The following CADPS variants were observed in gnomAD, a reference collection of about 807,000 sequenced individuals.
The protein encoded by CADPS is calcium dependent secretion activator.
A neutral mutation model predicts 167.3 loss-of-function variants in CADPS; 57 were observed. The observed-to-expected ratio is 0.34, with a 90% confidence interval of 0.28 to 0.42. The LOEUF is 0.42. Among genes scored for constraint, CADPS ranks in the 20% least tolerant of loss-of-function variants. CADPS has a pLI of 1.00. For missense variants in CADPS, 1,414 were observed against 1,738.1 expected (o/e 0.81, Z 3.32); for synonymous variants, 676 against 635.3 (o/e 1.06, Z -0.96).
At position 62,826,930 on chromosome 3, in the gene CADPS, T is replaced by C. The variant is rs182326452; in HGVS notation, c.441+47659A>G. ...GAAAATCTGCTGGTTGCTGCCTTTT[T>C]AGCTTTTTTTCCCCTTCTGAGCTGC... is the stretch of plus-strand genomic sequence containing the variant. On this transcript the variant is annotated intron_variant, in intron 1 of 29. Coordinates refer to ENST00000383710, the MANE Select transcript of CADPS (RefSeq NM_003716.4). 8.6e-4 allele frequency among the ~76,000 whole-genome samples: 131 copies of C among 152,292 alleles called. 2 individuals carry two copies. The highest frequency in any genetic ancestry group is 2.9e-3 in the African/African-American group (119 of 41,574).
chr3:62,638,003 C>A (rs1475308016), intron 6 of CADPS, among the ~76,000 whole-genome samples: 4 of 151,348 alleles, frequency 2.6e-5, no homozygotes, highest in African/African-American at 9.8e-5. Context: ...TCCCCTTCGT[C>A]CATCTAAACA....
chr3:62,868,560 T>C (rs1392770363), intron 1 of CADPS, among the ~76,000 whole-genome samples: 2 of 152,116 alleles, frequency 1.3e-5, no homozygotes, highest in African/African-American at 4.8e-5. Flanking sequence ...TAATTCACAA[T>C]TTGAAAAGCG....
At chr3:62,515,944 C>T in intron 16 of CADPS, 115 bp downstream of exon 16, 1 of 1,284,038 alleles carries the variant, frequency 7.8e-7, no homozygotes, top group Non-Finnish European at 1.1e-6. Flanking sequence ...CAGGTTTCAG[C>T]TTAATATACT....
intron 1 of CADPS, among the ~76,000 whole-genome samples, chr3:62,832,391 A>G (rs1334747510): frequency 6.6e-6 from 1 of 152,254 alleles, no homozygotes; most frequent in South Asian, 2.1e-4. Context: ...CCAAGGCCAC[A>G]CAGAATAATA....
chr3:62,443,320 G>T (rs1162111981), intron 27 of CADPS, among the ~76,000 whole-genome samples: 1 of 152,206 alleles, frequency 6.6e-6, no homozygotes, highest in Admixed American at 6.5e-5. Context: ...ACGCTTGGTT[G>T]TAGTAGCAGT....
At chr3:62,484,802 G>T (rs1425326342) in intron 21 of CADPS, among the ~76,000 whole-genome samples, 1 of 152,126 alleles carries the variant, frequency 6.6e-6, no homozygotes, top group African/African-American at 2.4e-5. Context: ...CTTTCTCAAA[G>T]ATTTTGGCTT....
chr3:62,735,656 T>C (rs1016478543), intron 3 of CADPS, among the ~76,000 whole-genome samples: 3 of 152,330 alleles, frequency 2.0e-5, no homozygotes, highest in South Asian at 2.1e-4. Context: ...CTCAGGTTTG[T>C]TGTAAAGAAA....
At position 62,424,101 on chromosome 3, in the gene CADPS, C is replaced by T. The variant is rs1044170815; in HGVS notation, c.3777+14003G>A. Among the ~76,000 whole-genome samples, 5 of 152,250 alleles carry T rather than the reference C, an allele frequency of 3.3e-5. 1 individual carries two copies. The highest frequency in any genetic ancestry group is 2.4e-5 in the African/African-American group (1 of 41,540). On this transcript the variant is annotated intron_variant, in intron 28 of 29. Transcript: ENST00000383710. The stretch of plus-strand genomic sequence containing the variant: ...TGCTTTGGGCTGACAAACACTGTAG[C>T]CCCATCTTCTAGAGGCACAGAGTAT...
chr3:62,489,229 C>T (rs1285361010), intron 21 of CADPS, among the ~76,000 whole-genome samples: 1 of 151,938 alleles, frequency 6.6e-6, no homozygotes, highest in Non-Finnish European at 1.5e-5. Flanking sequence ...GGAGCGATCT[C>T]GGCTCACTGC....
At chr3:62,787,803 T>G (rs927107491) in intron 1 of CADPS, among the ~76,000 whole-genome samples, 1 of 152,314 alleles carries the variant, frequency 6.6e-6, no homozygotes, top group South Asian at 2.1e-4. Flanking sequence ...TGCATGACTA[T>G]TATAAAGATT....
chr3:62,402,987 T>A (rs1668669993), intron 29 of CADPS, 94 bp downstream of exon 29: 2 of 728,882 alleles, frequency 2.7e-6, no homozygotes, highest in African/African-American at 3.6e-5. Flanking sequence ...ATATGTAAAC[T>A]AATATTCTTT....
chr3:62,448,705 C>T (rs1000344052), intron 26 of CADPS, among the ~76,000 whole-genome samples: 1 of 152,074 alleles, frequency 6.6e-6, no homozygotes, highest in African/African-American at 2.4e-5. Context: ...CCTCTGCCTC[C>T]CGAGTTGAAG....
intron 11 of CADPS, 26 bp from the exon 12 acceptor site, chr3:62,536,607 G>A (rs199787829): frequency 6.2e-7 from 1 of 1,606,192 alleles, no homozygotes. Flanking sequence ...TGTAGAGAGA[G>A]ACACAATTTA....
intron 9 of CADPS, among the ~76,000 whole-genome samples, chr3:62,559,221 G>T (rs1388018693): frequency 6.6e-6 from 1 of 152,146 alleles, no homozygotes; most frequent in Non-Finnish European, 1.5e-5. Flanking sequence ...TAAATTCATT[G>T]AAGACAGGTC....
chr3:62,871,442 A>G (rs2153223786), intron 1 of CADPS, among the ~76,000 whole-genome samples: 1 of 152,244 alleles, frequency 6.6e-6, no homozygotes, highest in South Asian at 2.1e-4. Context: ...TCAGAGAGAA[A>G]TAACTCTGGG....
intron 8 of CADPS, among the ~76,000 whole-genome samples, chr3:62,581,271 G>A (rs833645): frequency 0.91 from 139,060 of 152,136 alleles, 63,770 homozygotes; most frequent in East Asian, 0.99. Context: ...TGCTCATTCT[G>A]CTGGCATTCC....
intron 21 of CADPS, among the ~76,000 whole-genome samples, chr3:62,489,878 G>A (rs2063420836): frequency 6.6e-6 from 1 of 151,930 alleles, no homozygotes; most frequent in Non-Finnish European, 1.5e-5. Context: ...TACCATCAAG[G>A]GATCCAGTTC....
chr3:62,499,364 A>G, intron 17 of CADPS, 96 bp from the exon 18 acceptor site: 2 of 757,966 alleles, frequency 2.6e-6, no homozygotes, highest in Non-Finnish European at 4.6e-6. Context: ...AATAGTTATC[A>G]GTTTTTTAAA....
rs2094664549 is a variant in CADPS at position 62,817,247 on chromosome 3, T to G, written c.442-51263A>C. Among the ~76,000 whole-genome samples the G allele has an allele frequency of 2.0e-5, 3 of 152,152 alleles. 1 individual carries two copies. In the South Asian group the frequency reaches 6.2e-4, roughly 31 times the overall value. ...TTACTCTCTGGCTAACTTCAGAACC[T>G]CATATCTTGAAAGGTCAGATACACA... On this transcript the variant is annotated intron_variant, in intron 1 of 29. Coordinates refer to ENST00000383710, the MANE Select transcript of CADPS (RefSeq NM_003716.4).
Sources: gnomAD v4.1 joint callset for allele counts (sites outside exome capture counted in the v4.1 genomes callset) on GRCh38, gnomAD v4.1.1 for gene constraint, MANE v1.5 for transcripts, NCBI Gene and HGNC (gene_info 2026-07-23, HGNC 2026-07-21) for gene names.